The following ERCC6L2 variants were observed in gnomAD, a reference collection of about 807,000 sequenced individuals.
ERCC6L2 encodes the protein ERCC excision repair 6 like 2, also known as DNA excision repair protein ERCC-6-like 2.
A neutral mutation model predicts 132.0 loss-of-function variants in ERCC6L2; 77 were observed. That is an observed-to-expected ratio of 0.58 (90% CI 0.49 to 0.71). ERCC6L2 has a LOEUF of 0.71. Among genes scored for constraint, ERCC6L2 ranks in the 30% least tolerant of loss-of-function variants. The pLI is 0.00. For synonymous variants in ERCC6L2, 583 were observed against 632.4 expected, an observed-to-expected ratio of 0.92 and a Z score of 1.17; for missense variants, 1,542 against 1,837.6, an observed-to-expected ratio of 0.84 and a Z score of 2.94.
At position 95,875,970 on chromosome 9, in the gene ERCC6L2, C is replaced by T. The variant is rs986866020; in HGVS notation, c.-69C>T. 6.6e-7 allele frequency: 1 copy of T among 1,523,200 alleles called. No homozygotes were observed. Among genetic ancestry groups the T allele is most frequent in the Non-Finnish European group, 8.9e-7 (1 of 1,127,238 alleles). 94.4% of individuals were successfully genotyped at this position (1,523,200 alleles called of 1,614,324 possible). A position where few individuals can be genotyped will look rare whatever the true frequency, so the allele number is the denominator to read the frequency against. On this transcript the variant is annotated 5_prime_UTR_variant, in exon 1 of 19. Coordinates refer to ENST00000653738, the MANE Select transcript of ERCC6L2 (RefSeq NM_020207.7). Reference sequence around the variant, plus strand: ...TGGCCGCCATTGGCCTGCCGGCCAGCCACCTTGCTGTCCTCCGCCGCCTTC... The same window carrying T: ...TGGCCGCCATTGGCCTGCCGGCCAGTCACCTTGCTGTCCTCCGCCGCCTTC...
At chr9:95,906,733 C>T in intron 3 of ERCC6L2, 1 of 463,378 alleles carries the variant, frequency 2.2e-6, no homozygotes, top group East Asian at 6.7e-5. Flanking sequence ...CCCACTTGGC[C>T]TTTGAAGCTA....
intron 7 of ERCC6L2, among the ~76,000 whole-genome samples, chr9:95,921,650 A>T (rs944630813): frequency 1.3e-5 from 2 of 152,164 alleles, no homozygotes; most frequent in Non-Finnish European, 2.9e-5. Flanking sequence ...AAACGAACAT[A>T]CTCTTGTATA....
intron 11 of ERCC6L2, among the ~76,000 whole-genome samples, chr9:95,934,913 T>C (rs1051625679): frequency 6.6e-6 from 1 of 152,166 alleles, no homozygotes; most frequent in Non-Finnish European, 1.5e-5. Flanking sequence ...GACATTTCTT[T>C]TGTTATGTAC....
chr9:95,879,063 C>T (rs528695557), intron 1 of ERCC6L2, among the ~76,000 whole-genome samples: 17 of 151,778 alleles, frequency 1.1e-4, no homozygotes, highest in African/African-American at 3.9e-4. Context: ...AGTTCTAGAT[C>T]CCTGAGGAAT....
At chr9:96,004,783 G>A (rs369243674) in intron 18 of ERCC6L2, 82 bp downstream of exon 18, 2 of 894,828 alleles carry the variant, frequency 2.2e-6, no homozygotes, top group Non-Finnish European at 3.1e-6. Context: ...GTAAATACTT[G>A]AATTATAACC....
chr9:95,984,641 A>C lies in ERCC6L2; in HGVS notation c.3492+6426A>C, dbSNP rs113570648. Among the ~76,000 whole-genome samples the C allele has an allele frequency of 1.6e-3, 250 of 152,282 alleles. 3 individuals carry two copies. The South Asian group carries it at 0.02, about 12-fold the overall frequency. ...AATTTTTTATTATGATTATATACAT[A>C]TCTCTCTTTTCTAATAAACTCTGAA... On this transcript the variant is annotated intron_variant, in intron 17 of 18. Transcript: ENST00000653738.
intron 17 of ERCC6L2, among the ~76,000 whole-genome samples, chr9:96,003,097 A>G (rs1231310992): frequency 6.6e-6 from 1 of 152,088 alleles, no homozygotes; most frequent in Non-Finnish European, 1.5e-5. Flanking sequence ...AGACTCTGCT[A>G]TGTGTTTATT....
At chr9:95,999,285 C>T (rs2133184748) in intron 17 of ERCC6L2, among the ~76,000 whole-genome samples, 1 of 152,024 alleles carries the variant, frequency 6.6e-6, no homozygotes, top group South Asian at 2.1e-4. Context: ...GGCGTGAACC[C>T]AGGAGGCGGA....
In ERCC6L2 at chr9:95,897,916, C is replaced by T. The variant is rs1564203163; in HGVS notation, c.539C>T (p.Pro180Leu). The T allele has an allele frequency of 1.9e-6, 3 of 1,612,194 alleles. No homozygotes were observed. The highest frequency in any genetic ancestry group is 4.5e-5 in the East Asian group (2 of 44,714). ...GTREDIENNM[P>L]EFLLRSMKKE... Reference sequence around the variant, plus strand: ...CGTGAGGATATTGAAAATAACATGCCAGAGTTTTTACTAAGAAGTATGAAA... The same window carrying T: ...CGTGAGGATATTGAAAATAACATGCTAGAGTTTTTACTAAGAAGTATGAAA... Residue 180 changes from proline (P) to leucine (L), a missense_variant, in exon 3 of 19, where the codon CCA (proline) becomes CTA (leucine). By Grantham distance (98) the Pro-to-Leu change is moderately conservative. Around this residue, in one of 4 missense-constraint regions of ERCC6L2, gnomAD observed 945 missense variants for 1,105.2 expected, o/e 0.86. Transcript: ENST00000653738.
chr9:95,933,108 G>A (rs1224222628), intron 11 of ERCC6L2, among the ~76,000 whole-genome samples: 1 of 152,144 alleles, frequency 6.6e-6, no homozygotes, highest in Non-Finnish European at 1.5e-5. Context: ...ACCTCAACTA[G>A]TAGAGATCTT....
At chr9:95,993,733 C>T (rs942958935) in intron 17 of ERCC6L2, among the ~76,000 whole-genome samples, 4 of 152,168 alleles carry the variant, frequency 2.6e-5, no homozygotes, top group Non-Finnish European at 5.9e-5. Context: ...GTGGCTCACT[C>T]AGAAAGCAAA....
chr9:95,974,852 C>T (rs374286625), intron 16 of ERCC6L2, among the ~76,000 whole-genome samples: 1 of 151,810 alleles, frequency 6.6e-6, no homozygotes, highest in Non-Finnish European at 1.5e-5. Flanking sequence ...CGAGGTTATA[C>T]GTCCATATTT....
chr9:96,039,407 C>G (rs905121654), intron 20 of ERCC6L2, among the ~76,000 whole-genome samples: 1 of 151,826 alleles, frequency 6.6e-6, no homozygotes, highest in African/African-American at 2.4e-5. Flanking sequence ...AGGGCTGAGG[C>G]GTAGAGAAGA....
chr9:95,958,851 C>A (rs1373700958), intron 13 of ERCC6L2, among the ~76,000 whole-genome samples: 2 of 151,982 alleles, frequency 1.3e-5, no homozygotes, highest in Non-Finnish European at 2.9e-5. Context: ...AGGAGAACTG[C>A]AAACCACTGC....
chr9:96,022,441 CA>C (rs1834307448), downstream of ERCC6L2, among the ~76,000 whole-genome samples: 1 of 152,208 alleles, frequency 6.6e-6, no homozygotes, highest in African/African-American at 2.4e-5. Flanking sequence ...ATCTGCCCAA[CA>C]ACGCTTCTGG....
At chr9:96,007,875 C>G (rs764427746) in intron 18 of ERCC6L2, among the ~76,000 whole-genome samples, 4 of 152,150 alleles carry the variant, frequency 2.6e-5, no homozygotes, top group Non-Finnish European at 5.9e-5. Flanking sequence ...TGGGAAATGT[C>G]TCTGGGTTCA....
chr9:95,915,459 A>G (rs541457656), intron 4 of ERCC6L2, among the ~76,000 whole-genome samples: 2 of 152,194 alleles, frequency 1.3e-5, no homozygotes, highest in Non-Finnish European at 2.9e-5. Flanking sequence ...AAGAATGTCT[A>G]TACCCTTTCT....
At chr9:96,034,768 T>G (rs994798341) in intron 19 of ERCC6L2, among the ~76,000 whole-genome samples, 1 of 151,524 alleles carries the variant, frequency 6.6e-6, no homozygotes, top group Non-Finnish European at 1.5e-5. Context: ...CCCACCCTCC[T>G]GGATGGGACT....
chr9:95,900,746 G>A (rs769664728), intron 3 of ERCC6L2, among the ~76,000 whole-genome samples: 1 of 152,028 alleles, frequency 6.6e-6, no homozygotes, highest in Non-Finnish European at 1.5e-5. Flanking sequence ...TTGTAATCAT[G>A]GTCACATGGT....
Sources: allele counts gnomAD v4.1 joint callset (sites outside exome capture counted in the v4.1 genomes callset), GRCh38; gene constraint gnomAD v4.1.1; regional missense constraint gnomAD v4.1.1; transcripts MANE v1.5; gene names NCBI Gene and HGNC (gene_info 2026-07-23, HGNC 2026-07-21).